GRM1: variants seen among roughly 807,000 people sequenced by gnomAD.
GRM1 encodes glutamate metabotropic receptor 1.
Under a neutral mutation model 90.9 loss-of-function variants are expected in GRM1, and 33 were observed. The observed-to-expected ratio is 0.36, with a 90% CI of 0.28 to 0.49. The LOEUF (loss-of-function observed/expected upper bound fraction) is 0.49. Among genes scored for constraint, GRM1 ranks in the 20% least tolerant of loss-of-function variants. The pLI, the probability that GRM1 is intolerant of heterozygous loss-of-function variation, is 0.99. For missense variants in GRM1, 1,190 were observed against 1,534.3 expected, an observed-to-expected ratio of 0.78 and a Z score of 3.75; for synonymous variants, 700 against 613.2, an observed-to-expected ratio of 1.14 and a Z score of -2.09.
intron 7 of GRM1, among the ~76,000 whole-genome samples, chr6:146,426,803 A>G (rs1020596532): frequency 6.6e-6 from 1 of 152,090 alleles, no homozygotes; most frequent in Admixed American, 6.6e-5. Context: ...TTGATTGTCC[A>G]TCGTTCTTAA....
intron 3 of GRM1, among the ~76,000 whole-genome samples, chr6:146,319,209 T>C (rs1404882504): frequency 6.6e-6 from 1 of 151,626 alleles, no homozygotes. Context: ...CCCAACACAA[T>C]TTATTAAATG....
intron 1 of GRM1, among the ~76,000 whole-genome samples, chr6:146,103,294 G>A (rs1013696466): frequency 1.3e-5 from 2 of 152,184 alleles, no homozygotes; most frequent in African/African-American, 4.8e-5. Flanking sequence ...ACACCATGAT[G>A]TGTAGTTTGC....
At position 146,434,205 on chromosome 6, in the gene GRM1, G is replaced by GGA. The variant is rs1395281482; in HGVS notation, c.2997_2998dup (p.Thr1000ArgfsTer32). On this transcript the variant is annotated frameshift_variant, in exon 8 of 8. Transcript: ENST00000282753. LOFTEE classifies it high-confidence loss of function. ...CTCTGCCGTCCCACCTGACCGCAGA[G>GGA]GAGACCCCCCTCTTCCTGGCCGAAC... 1 of 1,611,204 alleles carries GGA rather than the reference G, an allele frequency of 6.2e-7. No individual in the cohort carries two copies. The highest frequency in any genetic ancestry group is 8.5e-7 in the Non-Finnish European group (1 of 1,177,904).
chr6:146,222,566 G>C (rs1444932278), intron 2 of GRM1, among the ~76,000 whole-genome samples: 6 of 151,892 alleles, frequency 4.0e-5, no homozygotes, highest in Non-Finnish European at 7.4e-5. Context: ...AGGAGAGACA[G>C]AGAGAGAGAG....
intron 1 of GRM1, among the ~76,000 whole-genome samples, chr6:146,142,240 C>T (rs1360262765): frequency 6.6e-6 from 1 of 152,182 alleles, no homozygotes; most frequent in Non-Finnish European, 1.5e-5. Context: ...TCTTCCCTTA[C>T]TTTCTCCCAA....
intron 2 of GRM1, among the ~76,000 whole-genome samples, chr6:146,220,772 G>A (rs1044102933): frequency 7.2e-5 from 11 of 152,088 alleles, no homozygotes; most frequent in East Asian, 1.9e-4. Flanking sequence ...GAGTGAGAGC[G>A]CACATCGTTG....
chr6:146,292,436 C>G (rs772498118), intron 2 of GRM1, among the ~76,000 whole-genome samples: 1 of 151,712 alleles, frequency 6.6e-6, no homozygotes, highest in South Asian at 2.1e-4. Flanking sequence ...TACAACTTAA[C>G]AAAATGCAAT....
In GRM1 at chr6:146,133,006, G is replaced by A. The variant is rs767503280; in HGVS notation, c.701-26342G>A. On this transcript the variant is annotated intron_variant, in intron 1 of 7. Transcript: ENST00000282753. ...TTTCTATGTCCTCTGGTGATAGTGT[G>A]AAAACTGAAGACTAAAGAGTGGCTT... Among the ~76,000 whole-genome samples the A allele has an allele frequency of 3.3e-5, 5 of 152,214 alleles. 1 individual carries two copies. The highest frequency in any genetic ancestry group is 1.3e-4 in the Admixed American group (2 of 15,286).
At chr6:146,379,181 T>A (rs139681392) in intron 5 of GRM1, among the ~76,000 whole-genome samples, 1 of 152,306 alleles carries the variant, frequency 6.6e-6, no homozygotes, top group East Asian at 1.9e-4. Flanking sequence ...TATCTCTTTC[T>A]CTACCCATCT....
chr6:146,367,685 T>A, intron 5 of GRM1, among the ~76,000 whole-genome samples: 1 of 152,182 alleles, frequency 6.6e-6, no homozygotes, highest in African/African-American at 2.4e-5. Context: ...TTTCTATTCC[T>A]GAATTAGTTT....
chr6:146,150,845 T>C (rs780612581), intron 1 of GRM1, among the ~76,000 whole-genome samples: 10 of 152,084 alleles, frequency 6.6e-5, no homozygotes, highest in Non-Finnish European at 1.5e-4. Flanking sequence ...TAACATAATG[T>C]CCTCCATTTC....
chr6:146,201,537 ATC>A (rs1246203665), intron 2 of GRM1, among the ~76,000 whole-genome samples: 1 of 152,166 alleles, frequency 6.6e-6, no homozygotes, highest in East Asian at 1.9e-4. Context: ...GACAGAGATC[ATC>A]TCTCTCATAT....
intron 2 of GRM1, among the ~76,000 whole-genome samples, chr6:146,173,064 G>A: frequency 6.6e-6 from 1 of 152,060 alleles, no homozygotes; most frequent in East Asian, 1.9e-4. Context: ...AGAAGCAGGT[G>A]TGCTGCAGTA....
chr6:146,283,045 T>C lies in GRM1; in HGVS notation c.951-21566T>C, dbSNP rs963352234. Among the ~76,000 whole-genome samples, 3 of 152,292 alleles carry C rather than the reference T, an allele frequency of 2.0e-5. No individual in the cohort carries two copies. In the South Asian group the frequency reaches 6.2e-4, roughly 32 times the overall value. On this transcript the variant is annotated intron_variant, in intron 2 of 7. Transcript: ENST00000282753. Reference sequence around the variant, plus strand: ...GGTCTTGTCTCTTGCGCTTCTGCCATCACCACAAATAGAGCTTCCCTGAAA... The same window carrying C: ...GGTCTTGTCTCTTGCGCTTCTGCCACCACCACAAATAGAGCTTCCCTGAAA...
At chr6:146,066,764 G>GAGA (rs1775862178) in intron 1 of GRM1, among the ~76,000 whole-genome samples, 1 of 148,532 alleles carries the variant, frequency 6.7e-6, no homozygotes, top group African/African-American at 2.6e-5. Flanking sequence ...TAGACAGACA[G>GAGA]GCAGAGAGAG....
At chr6:146,409,085 G>A (rs1317164908) in intron 7 of GRM1, among the ~76,000 whole-genome samples, 1 of 152,150 alleles carries the variant, frequency 6.6e-6, no homozygotes, top group Non-Finnish European at 1.5e-5. Flanking sequence ...GGTATTTAAT[G>A]TAAAAATATA....
intron 7 of GRM1, among the ~76,000 whole-genome samples, chr6:146,433,670 C>G (rs551272502): frequency 1.3e-5 from 2 of 152,100 alleles, no homozygotes; most frequent in East Asian, 3.9e-4. Flanking sequence ...GGCTTTTCTC[C>G]TCAACAACTT....
rs1166008558 is a variant in GRM1 at position 146,312,349 on chromosome 6, C to CAAAAAAA, written c.1186+7527_1186+7533dup. On this transcript the variant is annotated intron_variant, in intron 3 of 7. Transcript: ENST00000282753. ...GAGCCTGGGTGAAAGAACTCCGTCT[C>CAAAAAAA]AAAAAAAAAAAAAAAAAAAAAAAAA... Among the ~76,000 whole-genome samples the CAAAAAAA allele has an allele frequency of 7.3e-3, 156 of 21,322 alleles. 9 individuals are homozygous for CAAAAAAA. The highest frequency in any genetic ancestry group is 9.1e-3 in the Non-Finnish European group (98 of 10,798). The allele number at this position is 21,322 out of a possible 152,430, so 14.0% of individuals were successfully genotyped here. A position where few individuals can be genotyped will look rare whatever the true frequency, so the allele number is the denominator to read the frequency against.
chr6:146,069,174 A>G (rs1235834151), intron 1 of GRM1, among the ~76,000 whole-genome samples: 6 of 152,120 alleles, frequency 3.9e-5, no homozygotes, highest in Non-Finnish European at 8.8e-5. Flanking sequence ...GAGTCCCAGC[A>G]TTCTATTGCT....
Sources: allele counts gnomAD v4.1 joint callset (sites outside exome capture counted in the v4.1 genomes callset), GRCh38; gene constraint gnomAD v4.1.1; transcripts MANE v1.5; gene names NCBI Gene and HGNC (gene_info 2026-07-23, HGNC 2026-07-21).